Variants in TMEM178B observed in about 807,000 individuals in gnomAD.
The protein encoded by TMEM178B is transmembrane protein 178B.
TMEM178B carries 5 observed loss-of-function variants against 31.0 expected under a neutral mutation model. That is an observed-to-expected ratio of 0.16 (90% CI 0.08 to 0.34). The LOEUF (loss-of-function observed/expected upper bound fraction) is 0.34, where lower values mean the gene tolerates loss of function less well. TMEM178B is among the 10% of genes least tolerant of loss of function. The probability of loss-of-function intolerance (pLI) is 1.00; values close to 1 mark genes in which losing one functional copy is unlikely to be tolerated. For synonymous variants in TMEM178B, 164 were observed against 164.0 expected (o/e 1.00, Z 0.00); for missense variants, 275 against 400.3 (o/e 0.69, Z 2.67).
Position 141,181,810 on chromosome 7 carries a change from G to A in TMEM178B, c.383-30781G>A, listed in dbSNP as rs539719048. Among the ~76,000 whole-genome samples the A allele has an allele frequency of 3.3e-5, 5 of 152,210 alleles. No homozygotes were observed. The South Asian group carries it at 1.0e-3, about 32-fold the overall frequency. ...ACTCTTGGTAAGTCTTCCTCCTTGG[G>A]TGCTGATCCTGTTCAGGATCCGCAA... On this transcript the variant is annotated intron_variant, in intron 1 of 3. Transcript: ENST00000565468.
chr7:141,510,339 A>G, the TMEM178B span, among the ~76,000 whole-genome samples: 2 of 152,178 alleles, frequency 1.3e-5, no homozygotes, highest in Non-Finnish European at 2.9e-5. Context: ...AGGAGACCCT[A>G]TGAGCAAGAA....
At chr7:141,426,538 T>C (rs1586952298) in intron 2 of TMEM178B, among the ~76,000 whole-genome samples, 1 of 152,008 alleles carries the variant, frequency 6.6e-6, no homozygotes, top group Non-Finnish European at 1.5e-5. Flanking sequence ...ATGGAGCCAG[T>C]GGGGACCCAT....
At chr7:141,135,487 C>T (rs1011428852) in intron 1 of TMEM178B, among the ~76,000 whole-genome samples, 3 of 152,132 alleles carry the variant, frequency 2.0e-5, no homozygotes, top group African/African-American at 7.2e-5. Flanking sequence ...AGGCCACAAA[C>T]CAAGTCTCAA....
intron 3 of TMEM178B, among the ~76,000 whole-genome samples, chr7:141,454,810 T>G (rs1005679507): frequency 6.6e-6 from 1 of 152,118 alleles, no homozygotes; most frequent in African/African-American, 2.4e-5. Flanking sequence ...CTGGTATATT[T>G]CTCCTCATCT....
At chr7:141,101,650 A>G (rs1189422378) in intron 1 of TMEM178B, among the ~76,000 whole-genome samples, 2 of 152,250 alleles carry the variant, frequency 1.3e-5, no homozygotes, top group Non-Finnish European at 1.5e-5. Context: ...TGGATAACAG[A>G]TAACTATCTA....
intron 2 of TMEM178B, among the ~76,000 whole-genome samples, chr7:141,395,095 A>T (rs1800613235): frequency 6.6e-6 from 1 of 151,946 alleles, no homozygotes. Flanking sequence ...GCAGTCCTCC[A>T]CTGCTGACCC....
chr7:141,410,663 G>A (rs964709553), intron 2 of TMEM178B, among the ~76,000 whole-genome samples: 1 of 151,906 alleles, frequency 6.6e-6, no homozygotes, highest in African/African-American at 2.4e-5. Flanking sequence ...GAGGTGCGGT[G>A]ACTTATAAAG....
intron 2 of TMEM178B, among the ~76,000 whole-genome samples, chr7:141,353,423 C>G (rs1462664083): frequency 6.6e-6 from 1 of 152,206 alleles, no homozygotes; most frequent in African/African-American, 2.4e-5. Context: ...GAAAACAGAA[C>G]TGTTGGTAGT....
chr7:141,467,213 C>T (rs1234588661), intron 3 of TMEM178B, among the ~76,000 whole-genome samples: 3 of 152,124 alleles, frequency 2.0e-5, no homozygotes, highest in Non-Finnish European at 2.9e-5. Context: ...AGACCTAATC[C>T]ACCCTGGGGA....
chr7:141,446,469 T>C (rs1801760388), intron 3 of TMEM178B, among the ~76,000 whole-genome samples: 1 of 152,182 alleles, frequency 6.6e-6, no homozygotes, highest in Non-Finnish European at 1.5e-5. Flanking sequence ...TGGAAGGAAA[T>C]GCAAAGGAGG....
intron 1 of TMEM178B, among the ~76,000 whole-genome samples, chr7:141,123,812 G>C (rs975102534): frequency 6.6e-6 from 1 of 152,020 alleles, no homozygotes; most frequent in African/African-American, 2.4e-5. Context: ...GAGTGCAGTT[G>C]CATGATCTAG....
intron 2 of TMEM178B, among the ~76,000 whole-genome samples, chr7:141,401,901 A>G (rs1800783755): frequency 6.6e-6 from 1 of 152,208 alleles, no homozygotes; most frequent in Admixed American, 6.5e-5. Flanking sequence ...AACATCAGAT[A>G]ACTCCGGGTA....
In TMEM178B at chr7:141,074,591, C is replaced by T; in HGVS notation, c.281C>T (p.Ala94Val). ...CGGCAGCTGTTCGCCATGAGCCCCG[C>T]GGACGAGTGCAGCCGGCAGTACAAC... ...NRRQLFAMSP[A>V]DECSRQYNST... Residue 94 changes from alanine (A) to valine (V), a missense_variant, in exon 1 of 4, where the codon GCG becomes GTG. Coordinates refer to ENST00000565468, the MANE Select transcript of TMEM178B (RefSeq NM_001195278.2). The surrounding 1 kb of genome is among the most constrained non-coding windows in gnomAD (Gnocchi z 5.1). 6.5e-7 allele frequency: 1 copy of T among 1,535,878 alleles called. No homozygotes were observed. The highest frequency in any genetic ancestry group is 8.7e-7 in the Non-Finnish European group (1 of 1,146,740).
intron 2 of TMEM178B, among the ~76,000 whole-genome samples, chr7:141,227,583 T>C (rs983481402): frequency 1.3e-5 from 2 of 152,196 alleles, no homozygotes; most frequent in Non-Finnish European, 2.9e-5. Context: ...AGCCTTATGA[T>C]GACTTTAGGA....
At chr7:141,252,588 C>T (rs1238025301) in intron 2 of TMEM178B, among the ~76,000 whole-genome samples, 1 of 152,208 alleles carries the variant, frequency 6.6e-6, no homozygotes, top group Non-Finnish European at 1.5e-5. Flanking sequence ...TTAGTAAACA[C>T]ATCAGTGTTA....
In TMEM178B at chr7:141,074,956, C is replaced by T. The variant is rs1014478200; in HGVS notation, c.382+264C>T. Among the ~76,000 whole-genome samples the T allele has an allele frequency of 8.5e-5, 13 of 152,206 alleles. No homozygotes were observed. Among genetic ancestry groups the T allele is most frequent in the Non-Finnish European group, 2.9e-5 (2 of 68,040 alleles). ...GAGTGGAACCTCATGGTCCAGGGTTCTTATCCAGGATAATGCTTCATCAGC... is the reference window on the plus strand; with the variant it reads ...GAGTGGAACCTCATGGTCCAGGGTTTTTATCCAGGATAATGCTTCATCAGC... On this transcript the variant is annotated intron_variant, in intron 1 of 3. Transcript: ENST00000565468. The surrounding 1 kb of genome is among the most constrained non-coding windows in gnomAD (Gnocchi z 5.1).
At chr7:141,210,008 G>C (rs1247049625) in intron 1 of TMEM178B, among the ~76,000 whole-genome samples, 1 of 152,042 alleles carries the variant, frequency 6.6e-6, no homozygotes, top group African/African-American at 2.4e-5. Flanking sequence ...TGTGAACGGG[G>C]TGTGACATTA....
chr7:141,324,394 G>A (rs1799150597), intron 2 of TMEM178B, among the ~76,000 whole-genome samples: 1 of 141,316 alleles, frequency 7.1e-6, no homozygotes, highest in South Asian at 2.4e-4. Flanking sequence ...TGTGGAGTGT[G>A]AGAGCAAGAG....
intron 2 of TMEM178B, among the ~76,000 whole-genome samples, chr7:141,349,177 A>G (rs1799669539): frequency 6.6e-6 from 1 of 152,140 alleles, no homozygotes; most frequent in Non-Finnish European, 1.5e-5. Context: ...AGTATTTTTA[A>G]AGTATTCTAT....
Sources: allele counts gnomAD v4.1 joint callset (sites outside exome capture counted in the v4.1 genomes callset), GRCh38; gene constraint gnomAD v4.1.1; non-coding constraint Gnocchi (gnomAD v3.1); transcripts MANE v1.5; gene names NCBI Gene and HGNC (gene_info 2026-07-23, HGNC 2026-07-21).